The following UMAD1 variants were observed in gnomAD, a reference collection of about 807,000 sequenced individuals.
UMAD1 encodes the protein UBAP1-MVB12-associated (UMA) domain containing 1.
A neutral mutation model predicts 6.1 loss-of-function variants in UMAD1; 8 were observed. The observed-to-expected ratio is 1.30, with a 90% CI of 0.76 to 2.35. UMAD1 has a LOEUF of 2.35. UMAD1 is among the 30% of genes most tolerant of loss of function. The pLI is 0.00. For synonymous variants in UMAD1, 56 were observed against 31.4 expected (o/e 1.78, Z -2.61); for missense variants, 130 against 78.4 (o/e 1.66, Z -2.49).
At chr7:7,753,397 A>G (rs1781715764) in intron 2 of UMAD1, among the ~76,000 whole-genome samples, 1 of 152,170 alleles carries the variant, frequency 6.6e-6, no homozygotes, top group African/African-American at 2.4e-5. Flanking sequence ...CCCATTAACC[A>G]TCCCCATCAA....
chr7:7,762,215 T>G (rs1781904945), intron 2 of UMAD1, among the ~76,000 whole-genome samples: 1 of 152,194 alleles, frequency 6.6e-6, no homozygotes, highest in Non-Finnish European at 1.5e-5. Flanking sequence ...TTATTTACAT[T>G]GGCTGTGTCA....
intron 2 of UMAD1, among the ~76,000 whole-genome samples, chr7:7,704,137 C>T (rs1780534974): frequency 6.6e-6 from 1 of 152,130 alleles, no homozygotes; most frequent in Non-Finnish European, 1.5e-5. Flanking sequence ...AACAACACAT[C>T]ATGATAGTCT....
In UMAD1 at chr7:7,751,111, A is replaced by T. The variant is rs1329112829; in HGVS notation, c.83-50559A>T. Among the ~76,000 whole-genome samples, 52 of 152,316 alleles carry T rather than the reference A, an allele frequency of 3.4e-4. No homozygotes were observed. In the East Asian group the frequency reaches 6.0e-3, roughly 17 times the overall value. On this transcript the variant is annotated intron_variant, in intron 2 of 3. Transcript: ENST00000682710. ...TTTGTGTATATAGCTGAGCAATGTG[A>T]ATATAATGCTGTCATTATTGTTTTC...
intron 2 of UMAD1, among the ~76,000 whole-genome samples, chr7:7,720,979 C>T (rs1040621863): frequency 6.6e-5 from 10 of 152,030 alleles, no homozygotes; most frequent in African/African-American, 2.4e-4. Flanking sequence ...GACTGATGTC[C>T]TTATAAGAAG....
intron 2 of UMAD1, among the ~76,000 whole-genome samples, chr7:7,779,621 T>TTTTCCTTTA (rs1288996986): frequency 6.6e-6 from 1 of 152,072 alleles, no homozygotes; most frequent in Non-Finnish European, 1.5e-5. Context: ...CTTCATTTTC[T>TTTTCCTTTA]TTTCCTTTAT....
chr7:7,824,921 A>G (rs1168775086), intron 3 of UMAD1, among the ~76,000 whole-genome samples: 2 of 152,166 alleles, frequency 1.3e-5, no homozygotes, highest in Non-Finnish European at 2.9e-5. Context: ...TAGTCCACCT[A>G]TGCTGTTTAT....
At chr7:7,702,503 A>G (rs1780485268) in intron 2 of UMAD1, among the ~76,000 whole-genome samples, 1 of 152,192 alleles carries the variant, frequency 6.6e-6, no homozygotes, top group Non-Finnish European at 1.5e-5. Flanking sequence ...TATAAAATTC[A>G]GGTGTTCTTT....
intron 2 of UMAD1, among the ~76,000 whole-genome samples, chr7:7,727,889 A>G (rs1781170935): frequency 1.3e-5 from 2 of 152,046 alleles, no homozygotes; most frequent in African/African-American, 2.4e-5. Flanking sequence ...CTCTTTATAT[A>G]TGATTGTGTG....
At chr7:7,682,650 C>G (rs1035965993) in intron 2 of UMAD1, among the ~76,000 whole-genome samples, 28 of 152,216 alleles carry the variant, frequency 1.8e-4, no homozygotes, top group African/African-American at 6.7e-4. Flanking sequence ...ATTGCCTGTT[C>G]TTACAAAAAA....
At chr7:7,801,288 A>G (rs1782793885) in intron 2 of UMAD1, among the ~76,000 whole-genome samples, 1 of 152,262 alleles carries the variant, frequency 6.6e-6, no homozygotes, top group African/African-American at 2.4e-5. Flanking sequence ...GCCTTATGAA[A>G]AACTAACTTG....
At chr7:7,657,311 G>A (rs1014140866) in intron 1 of UMAD1, among the ~76,000 whole-genome samples, 1 of 152,128 alleles carries the variant, frequency 6.6e-6, no homozygotes, top group Non-Finnish European at 1.5e-5. Flanking sequence ...AAGCTCTTTA[G>A]CTTAATTAGA....
At chr7:7,681,941 A>AC (rs1779922983) in intron 2 of UMAD1, among the ~76,000 whole-genome samples, 1 of 152,186 alleles carries the variant, frequency 6.6e-6, no homozygotes, top group Non-Finnish European at 1.5e-5. Flanking sequence ...GTTATAGCAA[A>AC]AAGAAGGAAA....
chr7:7,786,313 C>T (rs1782459664), intron 2 of UMAD1, among the ~76,000 whole-genome samples: 1 of 152,100 alleles, frequency 6.6e-6, no homozygotes, highest in Non-Finnish European at 1.5e-5. Flanking sequence ...TGTAAAATAT[C>T]CCTCAATTTG....
intron 3 of UMAD1, among the ~76,000 whole-genome samples, chr7:7,860,882 A>G (rs1784104938): frequency 6.6e-6 from 1 of 152,214 alleles, no homozygotes; most frequent in African/African-American, 2.4e-5. Flanking sequence ...AATAAACAAA[A>G]TGTGGCATAT....
intron 2 of UMAD1, among the ~76,000 whole-genome samples, chr7:7,743,661 A>T (rs974737198): frequency 6.6e-6 from 1 of 151,670 alleles, no homozygotes; most frequent in African/African-American, 2.4e-5. Context: ...AAAGCAGGGG[A>T]AAGTAAGCTA....
chr7:7,645,877 A>G (rs1785082241), intron 1 of UMAD1, among the ~76,000 whole-genome samples: 2 of 148,322 alleles, frequency 1.3e-5, no homozygotes, highest in Non-Finnish European at 1.5e-5. Flanking sequence ...CCTTTTTTGT[A>G]TAGTCCTTGT....
At chr7:7,742,283 GTCT>G (rs1369139758) in intron 2 of UMAD1, 6 of 652,814 alleles carry the variant, frequency 9.2e-6, no homozygotes, top group South Asian at 2.7e-5. Flanking sequence ...GTTGTCTTCT[GTCT>G]TCTTCATGGC....
intron 2 of UMAD1, among the ~76,000 whole-genome samples, chr7:7,781,722 A>C (rs1782348982): frequency 6.6e-6 from 1 of 151,890 alleles, no homozygotes; most frequent in Non-Finnish European, 1.5e-5. Flanking sequence ...TTCTATATTA[A>C]TTTTGTATTC....
chr7:7,833,383 G>A (rs751758446), intron 3 of UMAD1, among the ~76,000 whole-genome samples: 3 of 151,990 alleles, frequency 2.0e-5, no homozygotes, highest in Admixed American at 6.6e-5. Context: ...TCTTGATATC[G>A]GCAACTATCC....
Sources: gnomAD v4.1 joint callset for allele counts (sites outside exome capture counted in the v4.1 genomes callset) on GRCh38, gnomAD v4.1.1 for gene constraint, MANE v1.5 for transcripts, NCBI Gene and HGNC (gene_info 2026-07-23, HGNC 2026-07-21) for gene names.